The following C11orf65 variants were observed in gnomAD, a reference collection of about 807,000 sequenced individuals.
C11orf65 encodes protein MFI.
A neutral mutation model predicts 35.3 loss-of-function variants in C11orf65; 38 were observed. The ratio of observed to expected loss-of-function variants is 1.08; its 90% CI spans 0.83 to 1.41. The LOEUF is 1.41. C11orf65 is among the 40% of genes most tolerant of loss of function. The probability of loss-of-function intolerance (pLI) is 0.00; values close to 1 mark genes in which losing one functional copy is unlikely to be tolerated. For missense variants in C11orf65, 370 were observed against 367.1 expected (o/e 1.01, Z -0.06); for synonymous variants, 105 against 114.4 (o/e 0.92, Z 0.53).
At chr11:108,468,034 G>A (rs2093558252), upstream of C11orf65, among the ~76,000 whole-genome samples, 1 of 152,166 alleles carries the variant, frequency 6.6e-6, no homozygotes, top group East Asian at 1.9e-4. Context: ...GTTTCTCCAT[G>A]TTGTCCAGGC....
intron 6 of C11orf65, among the ~76,000 whole-genome samples, chr11:108,321,094 G>A (rs1285167396): frequency 2.6e-5 from 4 of 152,162 alleles, no homozygotes; most frequent in Non-Finnish European, 4.4e-5. Flanking sequence ...AACTCTGAGT[G>A]TAAGTGGACC....
intron 2 of C11orf65, among the ~76,000 whole-genome samples, chr11:108,373,601 G>A (rs555437313): frequency 9.8e-4 from 149 of 152,346 alleles, no homozygotes; most frequent in African/African-American, 3.3e-3. Context: ...GAGCGACGCA[G>A]AAGACGGGTG....
chr11:108,406,124 C>T lies in C11orf65; in HGVS notation c.430-565G>A, dbSNP rs57464493. Among the ~76,000 whole-genome samples the T allele has an allele frequency of 9.1e-3, 1,379 of 152,216 alleles. 19 individuals are homozygous for T. Among genetic ancestry groups the T allele is most frequent in the African/African-American group, 0.031 (1,291 of 41,540 alleles). ...TTATTAAACCACTTAACATGTTTAC[C>T]ACACTGTACTGAAATATCCTGTTTA... On this transcript the variant is annotated intron_variant, in intron 5 of 8. Transcript: ENST00000393084.
At chr11:108,370,150 GTA>G (rs2091516091) in intron 2 of C11orf65, among the ~76,000 whole-genome samples, 1 of 151,906 alleles carries the variant, frequency 6.6e-6, no homozygotes, top group Admixed American at 6.6e-5. Context: ...CAGAGATCTT[GTA>G]TAGTTTTACT....
Position 108,400,188 on chromosome 11 carries a change from G to A in C11orf65, c.560+5241C>T, listed in dbSNP as rs531049425. Among the ~76,000 whole-genome samples the A allele has an allele frequency of 5.9e-5, 9 of 152,308 alleles. No individual in the cohort carries two copies. In the South Asian group the frequency reaches 6.2e-4, roughly 11 times the overall value. On this transcript the variant is annotated intron_variant, in intron 6 of 8. Coordinates refer to ENST00000393084, the MANE Select transcript of C11orf65 (RefSeq NM_152587.5). Reference sequence around the variant, plus strand: ...TATGTCATACATTAGCTCTCAAATCGAGAGAGGGCCTCTAAGTGTTGTGCT... The same window carrying A: ...TATGTCATACATTAGCTCTCAAATCAAGAGAGGGCCTCTAAGTGTTGTGCT...
chr11:108,460,450 T>C (rs934394629), intron 2 of C11orf65, among the ~76,000 whole-genome samples: 1 of 152,184 alleles, frequency 6.6e-6, no homozygotes, highest in Non-Finnish European at 1.5e-5. Flanking sequence ...GACCACGACA[T>C]TAACCCGGAT....
At chr11:108,411,773 G>A (rs563391626) in intron 3 of C11orf65, among the ~76,000 whole-genome samples, 1 of 150,968 alleles carries the variant, frequency 6.6e-6, no homozygotes, top group East Asian at 1.9e-4. Flanking sequence ...TAATGACACT[G>A]ATTTTCTTTT....
rs1478503457 is a variant in C11orf65 at position 108,309,080 on chromosome 11, A to G, written c.641-9T>C. 3.2e-5 allele frequency: 45 copies of G among 1,425,690 alleles called. No individual in the cohort carries two copies. Among genetic ancestry groups the G allele is most frequent in the Non-Finnish European group, 4.2e-5 (44 of 1,047,118 alleles). The allele number at this position is 1,425,690 out of a possible 1,614,324, so 88.3% of individuals were successfully genotyped here. A position where few individuals can be genotyped will look rare whatever the true frequency, so the allele number is the denominator to read the frequency against. Reference sequence around the variant, plus strand: ...GATCCTGAAGAATATTCCTGGAGAAAGTATGAATGGGATATAGAAAAACGG... The same window carrying G: ...GATCCTGAAGAATATTCCTGGAGAAGGTATGAATGGGATATAGAAAAACGG... On this transcript the variant is annotated splice_polypyrimidine_tract_variant and intron_variant, in intron 6 of 6. Coordinates refer to the C11orf65 transcript ENST00000525729.
chr11:108,420,393 C>A (rs892990936), intron 3 of C11orf65, among the ~76,000 whole-genome samples: 6 of 152,146 alleles, frequency 3.9e-5, no homozygotes, highest in African/African-American at 1.4e-4. Context: ...GTAAGCCACA[C>A]AAAGCCTGGG....
Position 108,359,943 on chromosome 11 carries a change from A to G in C11orf65, c.227-24651T>C, listed in dbSNP as rs926809526. 9.7e-4 allele frequency among the ~76,000 whole-genome samples: 148 copies of G among 152,094 alleles called. 1 individual carries two copies. Among genetic ancestry groups the G allele is most frequent in the Non-Finnish European group, 1.0e-3 (69 of 67,930 alleles). ...TTAGCAGAAGGCAAGAAATAACTAAAATCAGAGCAGAACTGAAGGAAATAG... is the reference window on the plus strand; with the variant it reads ...TTAGCAGAAGGCAAGAAATAACTAAGATCAGAGCAGAACTGAAGGAAATAG... On this transcript the variant is annotated intron_variant, in intron 2 of 3. Coordinates refer to the C11orf65 transcript ENST00000524755.
intron 2 of C11orf65, chr11:108,345,640 T>C (rs1445509638): frequency 3.1e-6 from 3 of 959,758 alleles, no homozygotes; most frequent in Non-Finnish European, 4.5e-6. Flanking sequence ...ATCCTGTTCA[T>C]CTTTATTGCC....
intron 2 of C11orf65, among the ~76,000 whole-genome samples, chr11:108,440,294 A>C (rs1461515710): frequency 1.3e-5 from 2 of 152,214 alleles, no homozygotes; most frequent in Non-Finnish European, 2.9e-5. Flanking sequence ...GTGTAAAAAC[A>C]ACCACCATTT....
At chr11:108,355,287 A>G (rs1395645195) in intron 2 of C11orf65, 3 of 232,588 alleles carry the variant, frequency 1.3e-5, no homozygotes, top group African/African-American at 2.3e-5. Flanking sequence ...CAGCATCATT[A>G]CTAGAGGAAC....
chr11:108,453,764 A>T (rs1487732626), intron 2 of C11orf65, among the ~76,000 whole-genome samples: 4 of 151,986 alleles, frequency 2.6e-5, no homozygotes, highest in African/African-American at 9.7e-5. Context: ...GATAAATCTC[A>T]CTTGATCATT....
chr11:108,410,564 A>C (rs1486241922), intron 3 of C11orf65, among the ~76,000 whole-genome samples: 1 of 152,040 alleles, frequency 6.6e-6, no homozygotes, highest in Non-Finnish European at 1.5e-5. Flanking sequence ...CATGTTGCCC[A>C]GGCTGGTCTC....
At chr11:108,415,404 T>C (rs979366212) in intron 3 of C11orf65, among the ~76,000 whole-genome samples, 10 of 152,020 alleles carry the variant, frequency 6.6e-5, no homozygotes, top group African/African-American at 2.2e-4. Context: ...TAACAAAATA[T>C]ATAAAAATCG....
At chr11:108,363,327 T>C (rs532835047) in intron 2 of C11orf65, among the ~76,000 whole-genome samples, 12 of 152,300 alleles carry the variant, frequency 7.9e-5, no homozygotes, top group African/African-American at 2.9e-4. Context: ...CACTTTAACC[T>C]GGGTGTATTT....
chr11:108,384,602 C>T (rs1050392817), intron 8 of C11orf65, among the ~76,000 whole-genome samples: 1 of 151,650 alleles, frequency 6.6e-6, no homozygotes, highest in African/African-American at 2.4e-5. Flanking sequence ...GGCGAAATCC[C>T]ATCTTGACAA....
chr11:108,411,468 A>G (rs577396288), intron 3 of C11orf65, among the ~76,000 whole-genome samples: 1 of 152,358 alleles, frequency 6.6e-6, no homozygotes, highest in South Asian at 2.1e-4. Flanking sequence ...GCAGTGTTGC[A>G]AAAGTAGTGA....
Sources: gnomAD v4.1 joint callset for allele counts (sites outside exome capture counted in the v4.1 genomes callset) on GRCh38, gnomAD v4.1.1 for gene constraint, MANE v1.5 for transcripts, NCBI Gene and HGNC (gene_info 2026-07-23, HGNC 2026-07-21) for gene names.